Variants in SDK1 observed in about 807,000 individuals in gnomAD.
The protein encoded by SDK1 is protein sidekick-1.
SDK1 carries 157 observed loss-of-function variants against 245.5 expected under a neutral mutation model. That is an observed-to-expected ratio of 0.64 (90% CI 0.56 to 0.73). The LOEUF is 0.73. SDK1 is among the 30% of genes least tolerant of loss of function. The pLI is 0.00. For synonymous variants in SDK1, 1,647 were observed against 1,278.5 expected, an observed-to-expected ratio of 1.29 and a Z score of -6.15; for missense variants, 3,583 against 3,002.3, an observed-to-expected ratio of 1.19 and a Z score of -4.52.
chr7:3,508,060 G>T (rs1479687070), intron 1 of SDK1, among the ~76,000 whole-genome samples: 1 of 151,974 alleles, frequency 6.6e-6, no homozygotes, highest in African/African-American at 2.4e-5. Flanking sequence ...TGTCTGTCTG[G>T]CTTCTGTTTC....
intron 1 of SDK1, among the ~76,000 whole-genome samples, chr7:3,565,846 C>T (rs1350668919): frequency 1.3e-5 from 2 of 152,132 alleles, no homozygotes; most frequent in African/African-American, 4.8e-5. Context: ...AGTACAAATG[C>T]AATTTTTTCC....
chr7:3,545,247 A>G (rs1326666345), intron 1 of SDK1, among the ~76,000 whole-genome samples: 1 of 152,176 alleles, frequency 6.6e-6, no homozygotes, highest in Non-Finnish European at 1.5e-5. Context: ...GGCCTCAGGT[A>G]GAAAGTAGAG....
rs759882865 is a variant in SDK1, at chr7:4,077,042, C to T, written c.3055C>T (p.Leu1019Phe). ...AGTGTACGGCAGGAACGACTCTCGT[C>T]TCACGCACACCCTGAACAGCACGAC... ...WEVYGRNDSR[L>F]THTLNSTTHE... The change falls in exon 21 of 45, where the codon CTC becomes TTC. Residue 1019 changes from leucine to phenylalanine, a missense_variant. Leu to Phe is a conservative substitution (Grantham distance 22, BLOSUM62 0). Coordinates refer to ENST00000404826, the MANE Select transcript of SDK1 (RefSeq NM_152744.4). 2 of 1,614,202 alleles carry T rather than the reference C, an allele frequency of 1.2e-6. No individual in the cohort carries two copies. The highest frequency in any genetic ancestry group is 2.2e-5 in the South Asian group (2 of 91,086).
intron 1 of SDK1, among the ~76,000 whole-genome samples, chr7:3,381,153 G>GA (rs1409439712): frequency 6.6e-6 from 1 of 152,152 alleles, no homozygotes; most frequent in Admixed American, 6.5e-5. Flanking sequence ...TGAAGGGACT[G>GA]AAAGGAAGTT....
intron 1 of SDK1, among the ~76,000 whole-genome samples, chr7:3,400,620 T>C (rs569563670): frequency 6.6e-6 from 1 of 152,292 alleles, no homozygotes; most frequent in African/African-American, 2.4e-5. Flanking sequence ...GGATTCTGGA[T>C]AGTGGTTACC....
chr7:3,653,703 A>G (rs1783075889), intron 4 of SDK1, among the ~76,000 whole-genome samples: 1 of 152,070 alleles, frequency 6.6e-6, no homozygotes, highest in African/African-American at 2.4e-5. Flanking sequence ...AAGAGGAGAA[A>G]CGGGTTGGGA....
chr7:3,538,613 G>A (rs1778964907), intron 1 of SDK1, among the ~76,000 whole-genome samples: 1 of 152,166 alleles, frequency 6.6e-6, no homozygotes, highest in Non-Finnish European at 1.5e-5. Flanking sequence ...CCATGTTAAG[G>A]AATTTGTATT....
At position 3,764,660 on chromosome 7, in the gene SDK1, C is replaced by T. The variant is rs191252317; in HGVS notation, c.714-56790C>T. Among the ~76,000 whole-genome samples the T allele has an allele frequency of 3.6e-3, 547 of 151,264 alleles. 4 individuals carry two copies. The highest frequency in any genetic ancestry group is 0.017 in the South Asian group (81 of 4,790). ...TTGCGCCACCGCACTCTAGCCTGGG[C>T]GACAGAGTGAGACTCTGTCTCAAAA... On this transcript the variant is annotated intron_variant, in intron 4 of 44. Coordinates refer to ENST00000404826, the MANE Select transcript of SDK1 (RefSeq NM_152744.4).
chr7:3,367,474 C>A (rs1436065077), intron 1 of SDK1, among the ~76,000 whole-genome samples: 1 of 152,216 alleles, frequency 6.6e-6, no homozygotes, highest in African/African-American at 2.4e-5. Context: ...TCAGTCAATA[C>A]TAGAAAACCA....
rs1179957655 is a variant in SDK1 at position 3,467,942 on chromosome 7, TTATCA to T, written c.299-151134_299-151130del. ...GTTATTAGGTTTTCTGGCTTTCTAA[TTATCA>T]TATATAGGTGATGTAATCATTGTTG... On this transcript the variant is annotated intron_variant, in intron 1 of 44. Transcript: ENST00000404826. Among the ~76,000 whole-genome samples the T allele has an allele frequency of 2.0e-5, 3 of 151,506 alleles. No individual in the cohort carries two copies. The Admixed American group carries it at 2.0e-4, about 10-fold the overall frequency.
rs766514221 is a variant in SDK1 at position 4,011,150 on chromosome 7, G to T, written c.2279+37G>T. 5 of 1,606,536 alleles carry T rather than the reference G, an allele frequency of 3.1e-6. No homozygotes were observed. The Admixed American group carries it at 6.7e-5, about 22-fold the overall frequency. On this transcript the variant is annotated intron_variant, in intron 15 of 44. Transcript: ENST00000404826. ...CCGCCCCAGGTGGGGGTGTGGAACA[G>T]CCGGGGGCCTGAATGCCAAAGAGAA...
Position 4,267,727 on chromosome 7 carries a change from A to T in SDK1, c.*2343A>T, listed in dbSNP as rs1038251336. ...GTTGCTCTCGGGTTTTCGATACAAC[A>T]TCATGACACTTCTGTTTCAAGCTCA... On this transcript the variant is annotated 3_prime_UTR_variant, in exon 45 of 45. Transcript: ENST00000404826. The T allele has an allele frequency of 2.0e-4, 201 of 985,388 alleles. 1 individual carries two copies. Among genetic ancestry groups the T allele is most frequent in the Non-Finnish European group, 2.4e-4 (197 of 829,988 alleles). The allele number at this position is 985,388 out of a possible 1,614,324, so 61.0% of individuals were successfully genotyped here.
intron 1 of SDK1, among the ~76,000 whole-genome samples, chr7:3,605,928 T>C (rs554754893): frequency 1.4e-4 from 21 of 152,308 alleles, no homozygotes; most frequent in African/African-American, 5.1e-4. Flanking sequence ...AAGATAAAAT[T>C]TATGATTTGG....
chr7:3,852,251 T>G (rs1780435828), intron 5 of SDK1, among the ~76,000 whole-genome samples: 1 of 151,860 alleles, frequency 6.6e-6, no homozygotes, highest in African/African-American at 2.4e-5. Context: ...CTGGCTAATA[T>G]TCCGTAGAAG....
chr7:3,510,214 G>A (rs1782535428), intron 1 of SDK1, among the ~76,000 whole-genome samples: 1 of 152,216 alleles, frequency 6.6e-6, no homozygotes, highest in Non-Finnish European at 1.5e-5. Flanking sequence ...TCACTGTGGT[G>A]TGGGAGCAGC....
At chr7:4,127,223 A>G (rs1784445851) in intron 25 of SDK1, among the ~76,000 whole-genome samples, 158 bp from the exon 26 acceptor site, 1 of 152,220 alleles carries the variant, frequency 6.6e-6, no homozygotes, top group South Asian at 2.1e-4. Context: ...AGAGATTTAC[A>G]TGTCCGTTAT....
At chr7:3,897,939 C>T (rs1781658122) in intron 5 of SDK1, among the ~76,000 whole-genome samples, 1 of 151,730 alleles carries the variant, frequency 6.6e-6, no homozygotes, top group Non-Finnish European at 1.5e-5. Context: ...CTCTTTTCTT[C>T]TCCTTTCCTT....
At chr7:3,512,178 C>G (rs1486801383) in intron 1 of SDK1, among the ~76,000 whole-genome samples, 2 of 151,926 alleles carry the variant, frequency 1.3e-5, no homozygotes, top group Non-Finnish European at 2.9e-5. Context: ...GTAGTTTTGC[C>G]TTTTGCAGAA....
intron 1 of SDK1, among the ~76,000 whole-genome samples, chr7:3,457,083 C>T (rs1365559465): frequency 6.6e-6 from 1 of 152,170 alleles, no homozygotes; most frequent in South Asian, 2.1e-4. Context: ...GTGCTTCTGA[C>T]CACTGTTGTC....
Sources: allele counts gnomAD v4.1 joint callset (sites outside exome capture counted in the v4.1 genomes callset), GRCh38; gene constraint gnomAD v4.1.1; transcripts MANE v1.5; gene names NCBI Gene and HGNC (gene_info 2026-07-23, HGNC 2026-07-21).